The following HS6ST2 variants were observed in gnomAD, a reference collection of about 807,000 sequenced individuals.
The protein encoded by HS6ST2 is heparan-sulfate 6-O-sulfotransferase 2.
Under a neutral mutation model 33.0 loss-of-function variants are expected in HS6ST2, and 17 were observed. The observed-to-expected ratio is 0.52, with a 90% CI of 0.35 to 0.77. The LOEUF is 0.77. Ranked by LOEUF, HS6ST2 falls within the 30% of genes least tolerant of loss-of-function variation. The pLI, the probability that HS6ST2 is intolerant of heterozygous loss-of-function variation, is 0.01. For missense variants in HS6ST2, 519 were observed against 551.7 expected (o/e 0.94, Z 0.59); for synonymous variants, 248 against 237.1 (o/e 1.05, Z -0.42).
chrX:132,933,314 C>T (rs1001197168), intron 2 of HS6ST2, among the ~76,000 whole-genome samples: 11 of 110,663 alleles, frequency 9.9e-5, no homozygotes, highest in South Asian at 3.9e-4. Flanking sequence ...GGTGACAGAG[C>T]GAGATTCTGT....
intron 2 of HS6ST2, among the ~76,000 whole-genome samples, chrX:132,732,668 A>G (rs2064471568): frequency 9.0e-6 from 1 of 111,584 alleles, no homozygotes; most frequent in Non-Finnish European, 1.9e-5. Context: ...GCCATGTAAT[A>G]TGTGACTTTG....
chrX:132,692,597 T>C (rs1206809903), intron 3 of HS6ST2, among the ~76,000 whole-genome samples: 1 of 110,723 alleles, frequency 9.0e-6, no homozygotes, highest in East Asian at 2.8e-4. Flanking sequence ...AGATCCTCCA[T>C]GCTGGTCCTT....
chrX:132,912,078 C>A (rs184301298), intron 2 of HS6ST2, among the ~76,000 whole-genome samples: 26 of 112,623 alleles, frequency 2.3e-4, no homozygotes, highest in Non-Finnish European at 4.1e-4. Flanking sequence ...TGGGGCAAAT[C>A]ACTTGTCCTC....
At chrX:132,809,712 C>T (rs1378210173) in intron 2 of HS6ST2, among the ~76,000 whole-genome samples, 1 of 112,066 alleles carries the variant, frequency 8.9e-6, no homozygotes, top group Non-Finnish European at 1.9e-5. Flanking sequence ...ATGATCCTAT[C>T]ACATGGCCCA....
chrX:132,928,104 A>G (rs1248850186), intron 2 of HS6ST2, among the ~76,000 whole-genome samples: 1 of 106,373 alleles, frequency 9.4e-6, no homozygotes, highest in Non-Finnish European at 1.9e-5. Flanking sequence ...AGTGGTCAAG[A>G]GTAGTTGCCA....
intron 2 of HS6ST2, among the ~76,000 whole-genome samples, chrX:132,762,570 G>A (rs1463004912): frequency 1.8e-5 from 2 of 111,873 alleles, no homozygotes; most frequent in African/African-American, 6.5e-5. Context: ...GTCCAAAGTA[G>A]GATGACAATG....
rs368400903 is a variant in HS6ST2, at chrX:132,800,204, G to T, written c.948-91710C>A. ...CTGAGCTCTGTTCTGCCTCCAGTCA[G>T]ATCAGTAGTGGCATTAGATTCTCAT... On this transcript the variant is annotated intron_variant, in intron 2 of 4. Coordinates refer to ENST00000370833, the MANE Select transcript of HS6ST2 (RefSeq NM_001394073.1). Among the ~76,000 whole-genome samples, 7 of 111,561 alleles carry T rather than the reference G, an allele frequency of 6.3e-5. No individual in the cohort carries two copies. The East Asian group carries it at 2.0e-3, about 32-fold the overall frequency.
rs368601557 is a variant in HS6ST2 at position 132,936,200 on chromosome X, C to G, written c.947+20608G>C. Among the ~76,000 whole-genome samples the G allele has an allele frequency of 1.9e-4, 21 of 110,900 alleles. No homozygotes were observed. The South Asian group carries it at 8.1e-3, about 43-fold the overall frequency. On this transcript the variant is annotated intron_variant, in intron 2 of 4. Transcript: ENST00000370833. ...TTGAATTATAAGGTAATGCTATGAA[C>G]AGCTGCATGCCAATAAACTGGATAA... is the stretch of plus-strand genomic sequence containing the variant.
At chrX:132,896,520 A>G (rs1361966285) in intron 2 of HS6ST2, among the ~76,000 whole-genome samples, 1 of 111,012 alleles carries the variant, frequency 9.0e-6, no homozygotes, top group Non-Finnish European at 1.9e-5. Flanking sequence ...ATAGCACAAT[A>G]AGGTGACTAG....
intron 2 of HS6ST2, among the ~76,000 whole-genome samples, chrX:132,774,271 A>C (rs1308331428): frequency 3.6e-5 from 4 of 112,651 alleles, no homozygotes; most frequent in African/African-American, 1.3e-4. Context: ...AGGAACTCCC[A>C]GAAGAAGGTT....
intron 4 of HS6ST2, among the ~76,000 whole-genome samples, chrX:132,637,567 G>T (rs2063557421): frequency 1.9e-5 from 2 of 104,896 alleles, no homozygotes; most frequent in African/African-American, 6.9e-5. Context: ...ACTCAAAGGG[G>T]AAATAAATAT....
At chrX:132,881,571 G>T (rs1323494127) in intron 2 of HS6ST2, among the ~76,000 whole-genome samples, 1 of 111,439 alleles carries the variant, frequency 9.0e-6, no homozygotes, top group Admixed American at 9.5e-5. Flanking sequence ...CTATTCTGTA[G>T]GTTGCCTGTT....
intron 2 of HS6ST2, among the ~76,000 whole-genome samples, chrX:132,873,043 AG>A (rs1238145860): frequency 1.8e-5 from 2 of 111,433 alleles, no homozygotes; most frequent in Non-Finnish European, 3.8e-5. Context: ...CATTAAGGCC[AG>A]TTAAACATCT....
At chrX:132,926,761 A>G (rs768850357) in intron 2 of HS6ST2, among the ~76,000 whole-genome samples, 3 of 110,885 alleles carry the variant, frequency 2.7e-5, no homozygotes, top group African/African-American at 9.8e-5. Context: ...TATGTCTACT[A>G]AAAATAGAAA....
At chrX:132,805,738 T>C (rs1344491569) in intron 2 of HS6ST2, among the ~76,000 whole-genome samples, 2 of 110,316 alleles carry the variant, frequency 1.8e-5, no homozygotes, top group Non-Finnish European at 3.8e-5. Flanking sequence ...CATCCAAAAG[T>C]GGGCATTTTG....
intron 2 of HS6ST2, among the ~76,000 whole-genome samples, chrX:132,884,337 T>C (rs938685580): frequency 1.8e-5 from 2 of 111,640 alleles, no homozygotes; most frequent in African/African-American, 6.5e-5. Flanking sequence ...CCATGAGAAA[T>C]AATAAATTTG....
intron 2 of HS6ST2, among the ~76,000 whole-genome samples, chrX:132,783,467 C>T (rs2065031944): frequency 9.0e-6 from 1 of 111,499 alleles, no homozygotes; most frequent in South Asian, 3.8e-4. Context: ...CTCTTCCAAG[C>T]CCCAGTCCTT....
intron 2 of HS6ST2, among the ~76,000 whole-genome samples, chrX:132,728,118 T>G (rs1250715239): frequency 1.8e-5 from 2 of 112,288 alleles, no homozygotes; most frequent in Non-Finnish European, 3.8e-5. Context: ...TGTACAAGTT[T>G]CTATGTGAAC....
At chrX:132,853,393 A>G (rs2065823592) in intron 2 of HS6ST2, among the ~76,000 whole-genome samples, 1 of 107,040 alleles carries the variant, frequency 9.3e-6, no homozygotes, top group Admixed American at 1.0e-4. Context: ...TCCTGGGCTC[A>G]AGCGATCCTC....
Sources: allele counts gnomAD v4.1 joint callset (sites outside exome capture counted in the v4.1 genomes callset), GRCh38; gene constraint gnomAD v4.1.1; transcripts MANE v1.5; gene names NCBI Gene and HGNC (gene_info 2026-07-23, HGNC 2026-07-21).